Variants in CSGALNACT1 observed in about 807,000 individuals in gnomAD.
CSGALNACT1 encodes chondroitin sulfate N-acetylgalactosaminyltransferase 1.
Under a neutral mutation model 51.0 loss-of-function variants are expected in CSGALNACT1, and 52 were observed. The observed-to-expected ratio is 1.02, with a 90% CI of 0.82 to 1.29. CSGALNACT1 has a LOEUF of 1.29. Ranked by LOEUF, CSGALNACT1 falls within the 50% of genes most tolerant of loss-of-function variation. The pLI, the probability that CSGALNACT1 is intolerant of heterozygous loss-of-function variation, is 0.00. For synonymous variants in CSGALNACT1, 341 were observed against 254.4 expected (o/e 1.34, Z -3.24); for missense variants, 935 against 679.2 (o/e 1.38, Z -4.19).
At chr8:19,500,134 A>G (rs539415972) in intron 4 of CSGALNACT1, among the ~76,000 whole-genome samples, 1 of 152,226 alleles carries the variant, frequency 6.6e-6, no homozygotes, top group Non-Finnish European at 1.5e-5. Flanking sequence ...ACCTTCTATC[A>G]CACAGGCCTA....
At chr8:19,429,376 C>T (rs933381279) in intron 6 of CSGALNACT1, among the ~76,000 whole-genome samples, 2 of 152,042 alleles carry the variant, frequency 1.3e-5, no homozygotes, top group African/African-American at 4.8e-5. Flanking sequence ...GGGGTTTCAC[C>T]ATGTTGGCCA....
intron 3 of CSGALNACT1, among the ~76,000 whole-genome samples, chr8:19,520,488 T>C (rs978251019): frequency 2.0e-5 from 3 of 152,222 alleles, no homozygotes; most frequent in Non-Finnish European, 4.4e-5. Context: ...CAATCCTATC[T>C]TGTAGTCAGC....
intron 6 of CSGALNACT1, among the ~76,000 whole-genome samples, chr8:19,437,913 C>T (rs1196162616): frequency 1.3e-5 from 2 of 152,170 alleles, no homozygotes; most frequent in Non-Finnish European, 2.9e-5. Flanking sequence ...CAGCAAGCTA[C>T]CTTCTGGTTG....
chr8:19,750,247 C>A (rs1401493809), intron 1 of CSGALNACT1, among the ~76,000 whole-genome samples: 2 of 152,206 alleles, frequency 1.3e-5, no homozygotes, highest in African/African-American at 4.8e-5. Flanking sequence ...TCCTGGCCAT[C>A]CTCTTTGGCC....
intron 1 of CSGALNACT1, among the ~76,000 whole-genome samples, chr8:19,717,237 C>T (rs942602250): frequency 6.6e-6 from 1 of 152,216 alleles, no homozygotes; most frequent in East Asian, 1.9e-4. Flanking sequence ...CTTAGTGAAG[C>T]CACACCAGTT....
chr8:19,684,644 G>A (rs1442755001), upstream of CSGALNACT1, among the ~76,000 whole-genome samples: 2 of 152,056 alleles, frequency 1.3e-5, no homozygotes, highest in Non-Finnish European at 2.9e-5. Context: ...CCTCCTGGGA[G>A]GCCAAAGAAG....
At position 19,418,655 on chromosome 8, in the gene CSGALNACT1, C is replaced by T. The variant is rs1335835575; in HGVS notation, c.1227+1G>A. ...GAGCCATCTGCAGGGTAATTACTCA[C>T]CAGCTGCTGTTCCAAGGGAGGGACT... is the stretch of plus-strand genomic sequence containing the variant. On this transcript the variant is annotated splice_donor_variant, in intron 8 of 9. Coordinates refer to ENST00000454498, the Ensembl canonical transcript of CSGALNACT1. LOFTEE classifies it high-confidence loss of function. 2 of 1,604,002 alleles carry T rather than the reference C, an allele frequency of 1.2e-6. No individual in the cohort carries two copies. Among genetic ancestry groups the T allele is most frequent in the Admixed American group, 1.7e-5 (1 of 59,982 alleles).
upstream of CSGALNACT1, chr8:19,682,802 G>C: frequency 4.4e-6 from 2 of 452,228 alleles, no homozygotes; most frequent in South Asian, 3.1e-5. Context: ...CAGCCTTTCC[G>C]GCCAGCACAG....
intron 5 of CSGALNACT1, among the ~76,000 whole-genome samples, chr8:19,452,523 G>A (rs2063360893): frequency 6.6e-6 from 1 of 152,028 alleles, no homozygotes; most frequent in Non-Finnish European, 1.5e-5. Context: ...GAGAAGGGAT[G>A]AGACATGCTG....
intron 4 of CSGALNACT1, among the ~76,000 whole-genome samples, chr8:19,459,402 AAAAAAGG>A (rs1255530544): frequency 1.4e-5 from 2 of 145,738 alleles, no homozygotes; most frequent in African/African-American, 2.5e-5. Flanking sequence ...AAAAAAAAAA[AAAAAAGG>A]AAAGAAGTTA....
chr8:19,627,720 G>C (rs1031535445), intron 1 of CSGALNACT1, among the ~76,000 whole-genome samples: 1 of 152,168 alleles, frequency 6.6e-6, no homozygotes, highest in Non-Finnish European at 1.5e-5. Context: ...AGCTACGTTG[G>C]AGGCTCAGGT....
intron 4 of CSGALNACT1, among the ~76,000 whole-genome samples, chr8:19,503,780 G>GTT (rs77031912): frequency 2.2e-5 from 3 of 139,108 alleles, no homozygotes; most frequent in African/African-American, 2.7e-5. Context: ...ATATGAATGA[G>GTT]TTTTTTTTTT....
At chr8:19,742,765 A>G (rs1231852263) in intron 1 of CSGALNACT1, among the ~76,000 whole-genome samples, 1 of 152,202 alleles carries the variant, frequency 6.6e-6, no homozygotes, top group Non-Finnish European at 1.5e-5. Flanking sequence ...GCCAAAATAC[A>G]TTATATCTGT....
intron 1 of CSGALNACT1, among the ~76,000 whole-genome samples, chr8:19,612,757 T>TC (rs2052447024): frequency 6.6e-6 from 1 of 151,920 alleles, no homozygotes; most frequent in South Asian, 2.1e-4. Context: ...TAATTCTTAT[T>TC]CGTTCTTTAA....
chr8:19,464,227 TC>T lies in CSGALNACT1; in HGVS notation c.635-5586del, dbSNP rs1412427785. Among the ~76,000 whole-genome samples, 4 of 152,140 alleles carry T rather than the reference TC, an allele frequency of 2.6e-5. No homozygotes were observed. In the East Asian group the frequency reaches 7.7e-4, roughly 29 times the overall value. On this transcript the variant is annotated intron_variant, in intron 4 of 9. Coordinates refer to ENST00000454498, the Ensembl canonical transcript of CSGALNACT1. ...TACCTTCCTACATGGAGCCAAGGTCTCCCAGCTGGATAACAAGAAGCATCTG... is the reference window on the plus strand; with the variant it reads ...TACCTTCCTACATGGAGCCAAGGTCTCCAGCTGGATAACAAGAAGCATCTG...
intron 1 of CSGALNACT1, among the ~76,000 whole-genome samples, chr8:19,680,573 C>T (rs868334449): frequency 1.8e-4 from 18 of 102,266 alleles, no homozygotes; most frequent in African/African-American, 5.7e-4. Context: ...CACCCCCCCC[C>T]CCCCCCACAA....
intron 3 of CSGALNACT1, among the ~76,000 whole-genome samples, chr8:19,564,830 C>A (rs1189966478): frequency 6.6e-6 from 1 of 152,164 alleles, no homozygotes; most frequent in African/African-American, 2.4e-5. Context: ...ATGTAAGCCC[C>A]ATGAAAGCAA....
chr8:19,513,227 G>T (rs2078782987), intron 3 of CSGALNACT1, among the ~76,000 whole-genome samples: 1 of 151,834 alleles, frequency 6.6e-6, no homozygotes, highest in Non-Finnish European at 1.5e-5. Flanking sequence ...GAGGTGGGTG[G>T]TAGCACCCAG....
At chr8:19,665,267 A>C (rs1280754328) in intron 1 of CSGALNACT1, among the ~76,000 whole-genome samples, 1 of 152,222 alleles carries the variant, frequency 6.6e-6, no homozygotes, top group East Asian at 1.9e-4. Context: ...TCAGCTTCAA[A>C]ATATACTGAT....
Sources: gnomAD v4.1 joint callset for allele counts (sites outside exome capture counted in the v4.1 genomes callset) on GRCh38, gnomAD v4.1.1 for gene constraint, MANE v1.5 for transcripts, NCBI Gene and HGNC (gene_info 2026-07-23, HGNC 2026-07-21) for gene names.